Variants in RFX6 observed in about 807,000 individuals in gnomAD.
RFX6 encodes the protein regulatory factor X6, also known as DNA-binding protein RFX6.
In RFX6, 50 loss-of-function variants were observed where a neutral mutation model predicts 110.8. The observed-to-expected ratio is 0.45, with a 90% CI of 0.36 to 0.57. The LOEUF (loss-of-function observed/expected upper bound fraction) is 0.57, where lower values mean the gene tolerates loss of function less well. Among genes scored for constraint, RFX6 ranks in the 20% least tolerant of loss-of-function variants. The pLI is 0.00. For missense variants in RFX6, 990 were observed against 1,127.0 expected (o/e 0.88, Z 1.74); for synonymous variants, 383 against 411.2 (o/e 0.93, Z 0.83).
Position 116,928,835 on chromosome 6 carries a change from C to T in RFX6, c.2475C>T (p.Ile825=). 2 of 1,613,898 alleles carry T rather than the reference C, an allele frequency of 1.2e-6. No homozygotes were observed. The highest frequency in any genetic ancestry group is 1.7e-6 in the Non-Finnish European group (2 of 1,179,788). The change falls in exon 18 of 19, where the codon ATC becomes ATT. Residue 825 remains isoleucine (I), a synonymous_variant. Transcript: ENST00000332958. ...GSMVNQHVSV[I]SSIRSLPPYS... ...TGGTGAATCAGCACGTTTCTGTCAT[C>T]AGCAGCATTCGTTCACTGCCCCCCT... is the stretch of plus-strand genomic sequence containing the variant.
At chr6:116,877,980 A>G (rs576180197) in intron 2 of RFX6, 28 bp downstream of exon 2, 3 of 1,609,362 alleles carry the variant, frequency 1.9e-6, no homozygotes, top group Admixed American at 1.7e-5. Context: ...GGTACACTGA[A>G]GCACCTGTTG....
In RFX6 at chr6:116,931,557, G is replaced by A. The variant is rs765327859; in HGVS notation, c.*51G>A. ...AAACTTTAAAAAAAATCTCTACTGT[G>A]CAAATATCATTATTCACTCAGACTT... On this transcript the variant is annotated 3_prime_UTR_variant, in exon 19 of 19. Coordinates refer to ENST00000332958, the MANE Select transcript of RFX6 (RefSeq NM_173560.4). 3.9e-6 allele frequency: 5 copies of A among 1,286,056 alleles called. No individual in the cohort carries two copies. The highest frequency in any genetic ancestry group is 3.7e-5 in the South Asian group (3 of 80,482). 79.7% of individuals were successfully genotyped at this position (1,286,056 alleles called of 1,614,324 possible).
chr6:116,898,598 T>C (rs1000414675), intron 6 of RFX6, among the ~76,000 whole-genome samples: 2 of 152,096 alleles, frequency 1.3e-5, no homozygotes, highest in African/African-American at 4.8e-5. Context: ...GAAAGGAAAG[T>C]TGAGAGCACA....
At chr6:116,915,570 C>T (rs1189061770) in intron 7 of RFX6, among the ~76,000 whole-genome samples, 2 of 152,048 alleles carry the variant, frequency 1.3e-5, no homozygotes, top group African/African-American at 2.4e-5. Context: ...TCCAAGCATC[C>T]ACTTCATAAA....
intron 6 of RFX6, among the ~76,000 whole-genome samples, chr6:116,900,524 G>C (rs1258875232): frequency 5.3e-5 from 8 of 151,800 alleles, no homozygotes; most frequent in Admixed American, 5.2e-4. Flanking sequence ...CAAAGTGTTG[G>C]GATGACAGGT....
intron 3 of RFX6, among the ~76,000 whole-genome samples, chr6:116,881,730 T>G (rs1407411724): frequency 6.6e-6 from 1 of 152,064 alleles, no homozygotes; most frequent in African/African-American, 2.4e-5. Context: ...TTGGCAGTCA[T>G]GAAGCACCTT....
chr6:116,885,379 T>A (rs1309019956), intron 4 of RFX6, among the ~76,000 whole-genome samples: 2 of 152,166 alleles, frequency 1.3e-5, no homozygotes, highest in Admixed American at 1.3e-4. Context: ...AATGACTCAA[T>A]ATAAAATATC....
Position 116,905,437 on chromosome 6 carries a change from A to G in RFX6, c.673-5498A>G, listed in dbSNP as rs564930410. ...TAGGAGTTCTCAATATATTCTGTAT[A>G]TTAATCCCTTATGAAACATGATTTG... is the stretch of plus-strand genomic sequence containing the variant. On this transcript the variant is annotated intron_variant, in intron 6 of 18. Coordinates refer to ENST00000332958, the MANE Select transcript of RFX6 (RefSeq NM_173560.4). Among the ~76,000 whole-genome samples, 5 of 152,290 alleles carry G rather than the reference A, an allele frequency of 3.3e-5. No homozygotes were observed. In the South Asian group the frequency reaches 8.3e-4, roughly 25 times the overall value.
intron 18 of RFX6, among the ~76,000 whole-genome samples, chr6:116,930,680 A>G (rs1775863860): frequency 6.6e-6 from 1 of 152,116 alleles, no homozygotes; most frequent in Non-Finnish European, 1.5e-5. Flanking sequence ...GAGGAGTTCC[A>G]GGCAGAAGAA....
chr6:116,921,831 T>A (rs941571469), intron 12 of RFX6, among the ~76,000 whole-genome samples: 6 of 151,658 alleles, frequency 4.0e-5, no homozygotes, highest in Admixed American at 3.3e-4. Flanking sequence ...TCTCTCTCTC[T>A]CACACACACA....
chr6:116,923,285 C>T (rs2114700220), intron 14 of RFX6, 61 bp downstream of exon 14: 1 of 833,878 alleles, frequency 1.2e-6, no homozygotes, highest in Admixed American at 1.7e-5. Context: ...TCCTCAGTCA[C>T]AGTTCCTGTC....
At chr6:116,918,254 A>G in intron 10 of RFX6, 168 bp downstream of exon 10, 5 of 586,674 alleles carry the variant, frequency 8.5e-6, no homozygotes, top group East Asian at 2.8e-5. Context: ...CTGGGCCTCA[A>G]TAAACAAAAT....
At chr6:116,890,572 T>C (rs1372029628) in intron 4 of RFX6, among the ~76,000 whole-genome samples, 1 of 152,138 alleles carries the variant, frequency 6.6e-6, no homozygotes, top group Non-Finnish European at 1.5e-5. Flanking sequence ...CTGGCATGTA[T>C]ATAAGATTGT....
In RFX6 at chr6:116,916,220, A is replaced by C. The variant is rs1775460105; in HGVS notation, c.878A>C (p.His293Pro). The change falls in exon 9 of 19, where the codon CAC becomes CCC. Residue 293 changes from histidine (H) to proline (P), a missense_variant. Physicochemically the swap from His to Pro is moderately conservative, Grantham distance 77. This residue lies in a region of RFX6 where 243 missense variants were observed against 353.1 expected (regional missense o/e 0.69). Coordinates refer to ENST00000332958, the MANE Select transcript of RFX6 (RefSeq NM_173560.4). ...NFEEIQHFLL[H>P]FWQGMPDHLL... ...AACTAGATCCAGCATTTTTTATTACACTTTTGGCAAGGAATGCCTGACCAT... is the reference window on the plus strand; with the variant it reads ...AACTAGATCCAGCATTTTTTATTACCCTTTTGGCAAGGAATGCCTGACCAT... The C allele has an allele frequency of 1.9e-6, 3 of 1,612,542 alleles. No individual in the cohort carries two copies. Among genetic ancestry groups the C allele is most frequent in the East Asian group, 2.2e-5 (1 of 44,802 alleles).
chr6:116,910,018 A>G (rs567658444), intron 6 of RFX6, among the ~76,000 whole-genome samples: 120 of 152,246 alleles, frequency 7.9e-4, no homozygotes, highest in Middle Eastern at 6.8e-3. Flanking sequence ...AACATCTTCA[A>G]TATGACAGAG....
At chr6:116,889,238 T>C (rs9489060) in intron 4 of RFX6, among the ~76,000 whole-genome samples, 9,243 of 152,250 alleles carry the variant, frequency 0.061, 911 homozygotes, top group African/African-American at 0.21. Flanking sequence ...AAGGTGGTTA[T>C]TGAAAACTAT....
At chr6:116,916,460 T>C in intron 9 of RFX6, 146 bp downstream of exon 9, 1 of 672,720 alleles carries the variant, frequency 1.5e-6, no homozygotes, top group East Asian at 2.7e-5. Flanking sequence ...GCAAGCAATT[T>C]AATAGTGCAC....
intron 7 of RFX6, among the ~76,000 whole-genome samples, chr6:116,914,107 G>A (rs1255576636): frequency 6.6e-6 from 1 of 151,842 alleles, no homozygotes; most frequent in African/African-American, 2.4e-5. Context: ...CCGACCTCTG[G>A]TAACCACCAG....
At chr6:116,915,109 T>C (rs890367130) in intron 7 of RFX6, among the ~76,000 whole-genome samples, 4 of 152,170 alleles carry the variant, frequency 2.6e-5, no homozygotes, top group Admixed American at 6.6e-5. Flanking sequence ...ATTTCTAACA[T>C]GTAAAATAAA....
Sources: gnomAD v4.1 joint callset for allele counts (sites outside exome capture counted in the v4.1 genomes callset) on GRCh38, gnomAD v4.1.1 for gene constraint, gnomAD v4.1.1 regional missense constraint, MANE v1.5 for transcripts, NCBI Gene and HGNC (gene_info 2026-07-23, HGNC 2026-07-21) for gene names.